The following SETD7 variants were observed in gnomAD, a reference collection of about 807,000 sequenced individuals.
The protein encoded by SETD7 is histone-lysine N-methyltransferase SETD7.
SETD7 carries 16 observed loss-of-function variants against 41.8 expected under a neutral mutation model. That is an observed-to-expected ratio of 0.38 (90% CI 0.26 to 0.58). SETD7 has a LOEUF of 0.58. Ranked by LOEUF, SETD7 falls within the 20% of genes least tolerant of loss-of-function variation. SETD7 has a pLI of 0.64. For missense variants in SETD7, 346 were observed against 459.7 expected (o/e 0.75, Z 2.26); for synonymous variants, 163 against 169.7 (o/e 0.96, Z 0.31).
At chr4:139,549,676 GT>G (rs1728056805) in intron 1 of SETD7, among the ~76,000 whole-genome samples, 1 of 151,960 alleles carries the variant, frequency 6.6e-6, no homozygotes, top group South Asian at 2.1e-4. Flanking sequence ...TGAGACCATA[GT>G]TCACTGTAAC....
chr4:139,524,874 T>C (rs1023816991), intron 4 of SETD7, among the ~76,000 whole-genome samples: 1 of 152,144 alleles, frequency 6.6e-6, no homozygotes, highest in African/African-American at 2.4e-5. Flanking sequence ...TGGAGAGCAA[T>C]GGCGTGATCT....
intron 7 of SETD7, among the ~76,000 whole-genome samples, chr4:139,515,408 CTT>C (rs1726998931): frequency 1.3e-5 from 2 of 152,306 alleles, no homozygotes; most frequent in South Asian, 2.1e-4. Context: ...GAAATCTTCT[CTT>C]GTCTCCTGTG....
chr4:139,529,401 C>CAAACA (rs1560684465), intron 3 of SETD7, among the ~76,000 whole-genome samples, 181 bp from the exon 4 acceptor site: 1 of 152,164 alleles, frequency 6.6e-6, no homozygotes, highest in Non-Finnish European at 1.5e-5. Flanking sequence ...CCTCATCCAG[C>CAAACA]TCCATACAAA....
At chr4:139,498,560 C>T (rs1337893127) in intron 7 of SETD7, among the ~76,000 whole-genome samples, 1 of 152,160 alleles carries the variant, frequency 6.6e-6, no homozygotes, top group Non-Finnish European at 1.5e-5. Context: ...ACATGGTGTG[C>T]CCCCTCCTCT....
At chr4:139,498,885 C>A (rs34294687) in intron 7 of SETD7, among the ~76,000 whole-genome samples, 3 of 152,082 alleles carry the variant, frequency 2.0e-5, no homozygotes, top group African/African-American at 7.2e-5. Flanking sequence ...CCAAGGTGGG[C>A]GGATCTCTTG....
downstream of SETD7, among the ~76,000 whole-genome samples, chr4:139,495,156 AAATGAATTAACT>A (rs1454691811): frequency 6.6e-6 from 1 of 152,234 alleles, no homozygotes; most frequent in African/African-American, 2.4e-5. Context: ...TGTGAAAATT[AAATGAATTAACT>A]AATGAAAAGT....
At chr4:139,540,814 C>T (rs1292612547) in intron 2 of SETD7, among the ~76,000 whole-genome samples, 1 of 152,176 alleles carries the variant, frequency 6.6e-6, no homozygotes, top group Non-Finnish European at 1.5e-5. Flanking sequence ...ACAAAAGAAA[C>T]TTTTGCCGCA....
chr4:139,536,725 T>C (rs1217158559), intron 2 of SETD7, among the ~76,000 whole-genome samples: 1 of 149,470 alleles, frequency 6.7e-6, no homozygotes, highest in East Asian at 2.0e-4. Flanking sequence ...AAAAATAGAC[T>C]GGGCATGGTG....
chr4:139,510,837 T>C lies in SETD7; in HGVS notation c.*826A>G, dbSNP rs1726850504. The C allele has an allele frequency of 1.3e-5, 2 of 152,646 alleles. No homozygotes were observed. Among genetic ancestry groups the C allele is most frequent in the Non-Finnish European group, 2.9e-5 (2 of 68,040 alleles). The allele number at this position is 152,646 out of a possible 1,614,324, so 9.5% of individuals were successfully genotyped here. ...AGTTTTCTTCTCTTCTTTCTTAAAGTATATATTACAACTCTTCCATAACTT... is the reference window on the plus strand; with the variant it reads ...AGTTTTCTTCTCTTCTTTCTTAAAGCATATATTACAACTCTTCCATAACTT... On this transcript the variant is annotated 3_prime_UTR_variant, in exon 8 of 8. Transcript: ENST00000274031.
chr4:139,535,571 T>G (rs542640661), intron 2 of SETD7, among the ~76,000 whole-genome samples: 2 of 152,316 alleles, frequency 1.3e-5, no homozygotes, highest in Admixed American at 1.3e-4. Flanking sequence ...TAATATGGAC[T>G]TGCAGACATT....
intron 7 of SETD7, among the ~76,000 whole-genome samples, chr4:139,515,551 T>A (rs1727002638): frequency 1.3e-5 from 2 of 152,242 alleles, no homozygotes; most frequent in Non-Finnish European, 2.9e-5. Flanking sequence ...GTTGTTAAGC[T>A]GTGTGCAGCT....
At chr4:139,550,572 G>A (rs538712252) in intron 1 of SETD7, among the ~76,000 whole-genome samples, 14 of 152,202 alleles carry the variant, frequency 9.2e-5, no homozygotes, top group Non-Finnish European at 1.6e-4. Context: ...AACAATAACA[G>A]AGACTTTCCA....
chr4:139,553,613 C>T lies in SETD7; in HGVS notation c.40+2485G>A, dbSNP rs552172124. On this transcript the variant is annotated intron_variant, in intron 1 of 7. Transcript: ENST00000274031. ...CTTAACTTCTGTATGCCTCAGTTCC[C>T]GCCTCTGTAAAATTAGGATAATATT... Among the ~76,000 whole-genome samples, 309 of 152,238 alleles carry T rather than the reference C, an allele frequency of 2.0e-3. 6 individuals carry two copies. Among genetic ancestry groups the T allele is most frequent in the African/African-American group, 7.1e-3 (294 of 41,538 alleles).
At position 139,526,462 on chromosome 4, in the gene SETD7, T is replaced by G. The variant is rs1004540563; in HGVS notation, c.562+2569A>C. On this transcript the variant is annotated intron_variant, in intron 4 of 7. Transcript: ENST00000274031. The stretch of plus-strand genomic sequence containing the variant: ...TTTTTTTTTTTTTTTTTTGTATTTT[T>G]TAGGAGAGACAGGATCTTACCATGC... Among the ~76,000 whole-genome samples the G allele has an allele frequency of 7.3e-5, 11 of 151,140 alleles. No individual in the cohort carries two copies. The East Asian group carries it at 1.9e-3, about 27-fold the overall frequency.
intron 7 of SETD7, among the ~76,000 whole-genome samples, chr4:139,515,317 G>A (rs1029657718): frequency 1.3e-5 from 2 of 152,106 alleles, no homozygotes; most frequent in African/African-American, 2.4e-5. Flanking sequence ...GGTCACCCTG[G>A]GCTTGCTTGC....
intron 7 of SETD7, among the ~76,000 whole-genome samples, chr4:139,514,353 T>A (rs1726962346): frequency 6.6e-6 from 1 of 152,140 alleles, no homozygotes; most frequent in South Asian, 2.1e-4. Flanking sequence ...TTGGTTAACC[T>A]CTGGTACACT....
intron 7 of SETD7, among the ~76,000 whole-genome samples, chr4:139,497,956 G>C (rs1660762612): frequency 6.6e-6 from 1 of 152,164 alleles, no homozygotes; most frequent in African/African-American, 2.4e-5. Flanking sequence ...ACCACAAGAG[G>C]GAGCTGGACC....
At chr4:139,521,168 G>A (rs1158163053) in intron 5 of SETD7, among the ~76,000 whole-genome samples, 1 of 152,208 alleles carries the variant, frequency 6.6e-6, no homozygotes, top group Non-Finnish European at 1.5e-5. Context: ...GCTGATGCCT[G>A]TAATGCCAGC....
intron 7 of SETD7, 87 bp downstream of exon 7, chr4:139,517,798 T>C: frequency 7.1e-7 from 1 of 1,404,932 alleles, no homozygotes; most frequent in Non-Finnish European, 9.6e-7. Context: ...AGCCTTTATC[T>C]GAGGCAGAAT....
Sources: allele counts gnomAD v4.1 joint callset (sites outside exome capture counted in the v4.1 genomes callset), GRCh38; gene constraint gnomAD v4.1.1; transcripts MANE v1.5; gene names NCBI Gene and HGNC (gene_info 2026-07-23, HGNC 2026-07-21).